The following RBMXL3 variants were observed in gnomAD, a reference collection of about 807,000 sequenced individuals.
The protein encoded by RBMXL3 is RBMX like 3, also known as RNA-binding motif protein, X-linked-like-3.
In RBMXL3, 2 loss-of-function variants were observed where a neutral mutation model predicts 0.8. The observed-to-expected ratio is 2.54, with a 90% CI of 1.04 to 8.00. The LOEUF is 8.00. RBMXL3 is among the 30% of genes most tolerant of loss of function. The pLI is 0.04. For synonymous variants in RBMXL3, 447 were observed against 449.8 expected, an observed-to-expected ratio of 0.99 and a Z score of 0.08; for missense variants, 1,127 against 1,068.0, an observed-to-expected ratio of 1.06 and a Z score of -0.77.
In RBMXL3 at chrX:115,191,077, C is replaced by G; in HGVS notation, c.1636C>G (p.Arg546Gly). 8.6e-7 allele frequency: 1 copy of G among 1,161,968 alleles called. No homozygotes were observed. Among genetic ancestry groups the G allele is most frequent in the Non-Finnish European group, 1.1e-6 (1 of 871,597 alleles). The change falls in exon 1 of 1, where the codon CGC (arginine) becomes GGC (glycine). Residue 546 changes from arginine (R) to glycine (G), a missense_variant. Arg to Gly is a moderately radical substitution (Grantham distance 125). Coordinates refer to ENST00000424776, the MANE Select transcript of RBMXL3 (RefSeq NM_001145346.2). ...CAGCAACAGTTACGGCCAGAGCCACCGCTATGGAGGAGAAGGCCGCTATGA... is the reference window on the plus strand; with the variant it reads ...CAGCAACAGTTACGGCCAGAGCCACGGCTATGGAGGAGAAGGCCGCTATGA... Reference protein sequence around the residue: ...SSSNSYGQSHRYGGEGRYEYR... With the variant: ...SSSNSYGQSHGYGGEGRYEYR...
In RBMXL3 at chrX:115,190,710, TGAG is replaced by T. The variant is rs1556557980; in HGVS notation, c.1273_1275del (p.Glu425del). The T allele has an allele frequency of 9.5e-7, 1 of 1,056,274 alleles. No homozygotes were observed. Among genetic ancestry groups the T allele is most frequent in the Non-Finnish European group, 1.2e-6 (1 of 811,065 alleles). The allele number at this position is 1,056,274 out of a possible 1,213,427, so 87.0% of individuals were successfully genotyped here. On this transcript the variant is annotated inframe_deletion, in exon 1 of 1. Coordinates refer to ENST00000424776, the MANE Select transcript of RBMXL3 (RefSeq NM_001145346.2). ...ACCACTATGGAGGAGAAGGCCGCTA[TGAG>T]GAGTACCGAGGCCGCTCACACGAGG...
Position 115,189,490 on chromosome X carries a change from C to T in RBMXL3, c.49C>T (p.Leu17Phe). Residue 17 changes from leucine to phenylalanine, a missense_variant, in exon 1 of 1, where the codon CTC becomes TTC. Coordinates refer to ENST00000424776, the MANE Select transcript of RBMXL3 (RefSeq NM_001145346.2). ...GAAGCTTTTCATTGGGGGCCTCAACCTCAAAACCGACGAGAAAGCCCTCAA... is the reference window on the plus strand; with the variant it reads ...GAAGCTTTTCATTGGGGGCCTCAACTTCAAAACCGACGAGAAAGCCCTCAA... ...PEKLFIGGLNLKTDEKALKAE... is the reference protein window; with the variant it reads ...PEKLFIGGLNFKTDEKALKAE... The T allele has an allele frequency of 8.5e-7, 1 of 1,181,841 alleles. No homozygotes were observed. Among genetic ancestry groups the T allele is most frequent in the East Asian group, 3.1e-5 (1 of 32,274 alleles).
At position 115,190,963 on chromosome X, in the gene RBMXL3, G is replaced by A; in HGVS notation, c.1522G>A (p.Gly508Ser). ...CTGGAGCGACCGCTACGGAGTAGGA[G>A]GCCACTATGAGGAGAACCGAGGCCA... ...SSWSDRYGVG[G>S]HYEENRGHSL... The change falls in exon 1 of 1, where the codon GGC (glycine) becomes AGC (serine). Residue 508 changes from glycine (G) to serine (S), a missense_variant. Transcript: ENST00000424776. The A allele has an allele frequency of 8.6e-7, 1 of 1,164,328 alleles. No homozygotes were observed. Among genetic ancestry groups the A allele is most frequent in the Non-Finnish European group, 1.1e-6 (1 of 872,112 alleles).
In RBMXL3 at chrX:115,191,762, G is replaced by T; in HGVS notation, c.2321G>T (p.Gly774Val). The T allele has an allele frequency of 8.6e-7, 1 of 1,163,679 alleles. No homozygotes were observed. The highest frequency in any genetic ancestry group is 1.1e-6 in the Non-Finnish European group (1 of 871,837). ...HDSSSRSHRYGGGGRYEEYRG... is the reference protein window; with the variant it reads ...HDSSSRSHRYVGGGRYEEYRG... ...AGTTCCAGCCGGAGCCACCGCTACG[G>T]AGGAGGAGGCCGCTACGAGGAGTAC... is the stretch of plus-strand genomic sequence containing the variant. Residue 774 changes from glycine to valine, a missense_variant, in exon 1 of 1, where the codon GGA (glycine) becomes GTA (valine). Gly to Val is a moderately radical substitution (Grantham distance 109, BLOSUM62 -3). Coordinates refer to ENST00000424776, the MANE Select transcript of RBMXL3 (RefSeq NM_001145346.2).
Position 115,190,961 on chromosome X carries a change from G to A in RBMXL3, c.1520G>A (p.Gly507Glu), listed in dbSNP as rs782111683. ...NSSWSDRYGV[G>E]GHYEENRGHS... is the part of the protein sequence containing the mutation. ...AGCTGGAGCGACCGCTACGGAGTAGGAGGCCACTATGAGGAGAACCGAGGC... is the reference window on the plus strand; with the variant it reads ...AGCTGGAGCGACCGCTACGGAGTAGAAGGCCACTATGAGGAGAACCGAGGC... Residue 507 changes from glycine to glutamate, a missense_variant, in exon 1 of 1, where the codon GGA becomes GAA. Physicochemically the swap from Gly to Glu is moderately conservative, Grantham distance 98 (BLOSUM62 -2). Coordinates refer to ENST00000424776, the MANE Select transcript of RBMXL3 (RefSeq NM_001145346.2). 4 of 1,158,825 alleles carry A rather than the reference G, an allele frequency of 3.5e-6. No homozygotes were observed. Among genetic ancestry groups the A allele is most frequent in the Non-Finnish European group, 4.6e-6 (4 of 870,540 alleles).
Position 115,192,169 on chromosome X carries a change from G to C in RBMXL3, c.2728G>C (p.Gly910Arg), listed in dbSNP as rs1556560899. ...TGGCCGGAGTGACCATTACGGAAGAGGAGGCTGCTACGAGGAATACCAAGG... is the reference window on the plus strand; with the variant it reads ...TGGCCGGAGTGACCATTACGGAAGACGAGGCTGCTACGAGGAATACCAAGG... ...SYGRSDHYGR[G>R]GCYEEYQGRS... Residue 910 changes from glycine (G) to arginine (R), a missense_variant, in exon 1 of 1, where the codon GGA becomes CGA. Gly to Arg is a moderately radical substitution (Grantham distance 125). Transcript: ENST00000424776. 1.7e-6 allele frequency: 2 copies of C among 1,165,380 alleles called. No homozygotes were observed. The highest frequency in any genetic ancestry group is 2.3e-6 in the Non-Finnish European group (2 of 872,562).
Position 115,191,818 on chromosome X carries a change from G to C in RBMXL3, c.2377G>C (p.Gly793Arg), listed in dbSNP as rs947590231. 6.1e-5 allele frequency: 70 copies of C among 1,152,092 alleles called. No individual in the cohort carries two copies. In the Admixed American group the frequency reaches 1.9e-3, roughly 31 times the overall value. The allele number at this position is 1,152,092 out of a possible 1,213,427, so 94.9% of individuals were successfully genotyped here. A position where few individuals can be genotyped will look rare whatever the true frequency, so the allele number is the denominator to read the frequency against. The change falls in exon 1 of 1, where the codon GGC becomes CGC. Residue 793 changes from glycine to arginine, a missense_variant. Coordinates refer to ENST00000424776, the MANE Select transcript of RBMXL3 (RefSeq NM_001145346.2). ...CCGCTCGCTCGATGCCAACAGCGGA[G>C]GCCGCTCACCCAATGCCTACAGCGG... is the stretch of plus-strand genomic sequence containing the variant. ...RGRSLDANSG[G>R]RSPNAYSGGH...
chrX:115,190,645 G>T lies in RBMXL3; in HGVS notation c.1204G>T (p.Gly402Trp). The T allele has an allele frequency of 8.6e-7, 1 of 1,157,079 alleles. No individual in the cohort carries two copies. The highest frequency in any genetic ancestry group is 1.9e-5 in the South Asian group (1 of 52,426). The change falls in exon 1 of 1, where the codon GGG (glycine) becomes TGG (tryptophan). Residue 402 changes from glycine (G) to tryptophan (W), a missense_variant. Gly to Trp is a radical substitution (Grantham distance 184). Coordinates refer to ENST00000424776, the MANE Select transcript of RBMXL3 (RefSeq NM_001145346.2). ...AGGCCGCTCGCCCGACGCCCACAGCGGGGGCCGCAACAGTTCCAGCAACAG... is the reference window on the plus strand; with the variant it reads ...AGGCCGCTCGCCCGACGCCCACAGCTGGGGCCGCAACAGTTCCAGCAACAG... Reference protein sequence around the residue: ...YRGRSPDAHSGGRNSSSNSYG... With the variant: ...YRGRSPDAHSWGRNSSSNSYG...
rs781797965 is a variant in RBMXL3, at chrX:115,192,323, G to A, written c.2882G>A (p.Ser961Asn). ...EYRGPSPDAHSGGRDSSIKSY... is the reference protein window; with the variant it reads ...EYRGPSPDAHNGGRDSSIKSY... ...CGAGGCCCCTCGCCTGACGCCCACAGTGGGGGCCGCGACAGTTCCATCAAG... is the reference window on the plus strand; with the variant it reads ...CGAGGCCCCTCGCCTGACGCCCACAATGGGGGCCGCGACAGTTCCATCAAG... Residue 961 changes from serine (S) to asparagine (N), a missense_variant, in exon 1 of 1, where the codon AGT (serine) becomes AAT (asparagine). Transcript: ENST00000424776. The A allele has an allele frequency of 5.1e-4, 547 of 1,080,307 alleles. No individual in the cohort carries two copies. The African/African-American group carries it at 8.8e-3, about 17-fold the overall frequency. The allele number at this position is 1,080,307 out of a possible 1,213,427, so 89.0% of individuals were successfully genotyped here.
Position 115,190,126 on chromosome X carries a change from T to C in RBMXL3, c.685T>C (p.Trp229Arg), listed in dbSNP as rs1278617748. 6.9e-6 allele frequency: 8 copies of C among 1,158,377 alleles called. No individual in the cohort carries two copies. Among genetic ancestry groups the C allele is most frequent in the African/African-American group, 1.8e-5 (1 of 55,933 alleles). Residue 229 changes from tryptophan to arginine, a missense_variant, in exon 1 of 1, where the codon TGG becomes CGG. By Grantham distance (101) the Trp-to-Arg change is moderately radical. Transcript: ENST00000424776. ...SGMPGKAPAV[W>R]GQDGYSGPRV... The stretch of plus-strand genomic sequence containing the variant: ...AATGCCTGGGAAGGCCCCGGCCGTG[T>C]GGGGGCAAGATGGCTACTCAGGCCC...
chrX:115,190,858 G>A lies in RBMXL3; in HGVS notation c.1417G>A (p.Glu473Lys), dbSNP rs1410376090. The A allele has an allele frequency of 5.4e-5, 62 of 1,154,126 alleles. No homozygotes were observed. Among genetic ancestry groups the A allele is most frequent in the Middle Eastern group, 2.3e-4 (1 of 4,263 alleles). Residue 473 changes from glutamate (E) to lysine (K), a missense_variant, in exon 1 of 1, where the codon GAG (glutamate) becomes AAG (lysine). By Grantham distance (56) the Glu-to-Lys change is moderately conservative. Transcript: ENST00000424776. The part of the protein sequence containing the change: ...DCCGGGGRYE[E>K]YQGRSLDANS... ...CTGCGGAGGAGGAGGCCGTTATGAG[G>A]AGTACCAAGGCCGCTCGCTGGATGC...
rs1556561311 is a variant in RBMXL3, at chrX:115,192,433, C to T, written c.2992C>T (p.His998Tyr). Residue 998 changes from histidine (H) to tyrosine (Y), a missense_variant, in exon 1 of 1, where the codon CAC becomes TAC. Coordinates refer to ENST00000424776, the MANE Select transcript of RBMXL3 (RefSeq NM_001145346.2). ...GSLPDAYSGD[H>Y]DRSSNSYGRS... ...CTTGCCTGACGCCTACAGCGGCGAC[C>T]ACGACAGATCCAGCAACAGTTACGG... 6.0e-6 allele frequency: 7 copies of T among 1,167,295 alleles called. No homozygotes were observed. The highest frequency in any genetic ancestry group is 8.0e-6 in the Non-Finnish European group (7 of 872,178).
rs1156341761 is a variant in RBMXL3 at position 115,191,464 on chromosome X, C to T, written c.2023C>T (p.Arg675Cys). 43 of 1,142,888 alleles carry T rather than the reference C, an allele frequency of 3.8e-5. No homozygotes were observed. The highest frequency in any genetic ancestry group is 2.9e-4 in the South Asian group (15 of 51,071). 94.2% of individuals were successfully genotyped at this position (1,142,888 alleles called of 1,213,427 possible). ...GGGRYEEYRG[R>C]LLDANSGGRS... ...AGGCCGCTACGAGGAGTACCGAGGC[C>T]GCTTGCTCGATGCCAACAGTGGAGG... Residue 675 changes from arginine to cysteine, a missense_variant, in exon 1 of 1, where the codon CGC (arginine) becomes TGC (cysteine). Coordinates refer to ENST00000424776, the MANE Select transcript of RBMXL3 (RefSeq NM_001145346.2).
chrX:115,192,443 C>T lies in RBMXL3; in HGVS notation c.3002C>T (p.Ser1001Phe). 1 of 1,168,198 alleles carries T rather than the reference C, an allele frequency of 8.6e-7. No homozygotes were observed. Among genetic ancestry groups the T allele is most frequent in the Non-Finnish European group, 1.1e-6 (1 of 872,707 alleles). Reference protein sequence around the residue: ...PDAYSGDHDRSSNSYGRSDRY... With the variant: ...PDAYSGDHDRFSNSYGRSDRY... ...GCCTACAGCGGCGACCACGACAGAT[C>T]CAGCAACAGTTACGGCCGGAGCGAC... The change falls in exon 1 of 1, where the codon TCC becomes TTC. Residue 1001 changes from serine (S) to phenylalanine (F), a missense_variant. Transcript: ENST00000424776.
In RBMXL3 at chrX:115,192,636, C is replaced by G. The variant is rs1395677236; in HGVS notation, c.3195C>G (p.Ser1065Arg). Residue 1065 changes from serine to arginine, a missense_variant, in exon 1 of 1, where the codon AGC (serine) becomes AGG (arginine). Ser to Arg is a moderately radical substitution (Grantham distance 110, BLOSUM62 -1). Coordinates refer to ENST00000424776, the MANE Select transcript of RBMXL3 (RefSeq NM_001145346.2). ...GGRFERGEGR[S>R]RY ...GCTTCGAGAGGGGGGAAGGCCGGAG[C>G]AGATACTAAGCAGGAACAGACTTGG... 101 of 1,167,715 alleles carry G rather than the reference C, an allele frequency of 8.6e-5. No individual in the cohort carries two copies. The highest frequency in any genetic ancestry group is 1.1e-4 in the Non-Finnish European group (100 of 873,433).
rs782615702 is a variant in RBMXL3 at position 115,189,990 on chromosome X, G to A, written c.549G>A (p.Pro183=). 9.4e-5 allele frequency: 109 copies of A among 1,162,527 alleles called. No individual in the cohort carries two copies. Among genetic ancestry groups the A allele is most frequent in the Admixed American group, 4.1e-4 (16 of 38,693 alleles). ...SVGCGMRGKA[P]TVSGQDGYSG... The stretch of plus-strand genomic sequence containing the variant: ...GCTGTGGAATGCGCGGGAAGGCACC[G>A]ACTGTGTCGGGGCAAGATGGCTACT... Residue 183 remains proline (P), a synonymous_variant, in exon 1 of 1, where the codon CCG becomes CCA. Coordinates refer to ENST00000424776, the MANE Select transcript of RBMXL3 (RefSeq NM_001145346.2).
rs1005719965 is a variant in RBMXL3, at chrX:115,192,689, A to G, written c.*44A>G. On this transcript the variant is annotated 3_prime_UTR_variant, in exon 1 of 1. Transcript: ENST00000424776. Reference sequence around the variant, plus strand: ...CCAAAAATTCCTTTTCAAAGAAACAAAAAGAAGAACCTGTTCTATGTTAAC... The same window carrying G: ...CCAAAAATTCCTTTTCAAAGAAACAGAAAGAAGAACCTGTTCTATGTTAAC... 5 of 1,126,664 alleles carry G rather than the reference A, an allele frequency of 4.4e-6. No homozygotes were observed. Among genetic ancestry groups the G allele is most frequent in the African/African-American group, 1.8e-5 (1 of 55,243 alleles). 92.8% of individuals were successfully genotyped at this position (1,126,664 alleles called of 1,213,427 possible).
At position 115,190,453 on chromosome X, in the gene RBMXL3, G is replaced by A. The variant is rs370216499; in HGVS notation, c.1012G>A (p.Asp338Asn). The change falls in exon 1 of 1, where the codon GAT becomes AAT. Residue 338 changes from aspartate (D) to asparagine (N), a missense_variant. By Grantham distance (23) the Asp-to-Asn change is conservative. Transcript: ENST00000424776. Reference sequence around the variant, plus strand: ...CGAGGAGTACCAGGGCAACTCGCCCGATGCCTGCAGTGAAGGCCGCTCGTC... The same window carrying A: ...CGAGGAGTACCAGGGCAACTCGCCCAATGCCTGCAGTGAAGGCCGCTCGTC... ...RYEEYQGNSP[D>N]ACSEGRSSEA... 2.0e-5 allele frequency: 23 copies of A among 1,165,797 alleles called. No individual in the cohort carries two copies. Among genetic ancestry groups the A allele is most frequent in the Admixed American group, 5.2e-5 (2 of 38,588 alleles).
rs1556556898 is a variant in RBMXL3, at chrX:115,190,183, G to A, written c.742G>A (p.Asp248Asn). Residue 248 changes from aspartate to asparagine, a missense_variant, in exon 1 of 1, where the codon GAC becomes AAC. Coordinates refer to ENST00000424776, the MANE Select transcript of RBMXL3 (RefSeq NM_001145346.2). ...CCGGGAGCCACTGCCCCCGTGCCGC[G>A]ACCCTGGGGATTTTGTCCCTGCGCT... ...RVREPLPPCRDPGDFVPALRD... is the reference protein window; with the variant it reads ...RVREPLPPCRNPGDFVPALRD... 4.3e-6 allele frequency: 5 copies of A among 1,165,117 alleles called. No homozygotes were observed. Among genetic ancestry groups the A allele is most frequent in the Admixed American group, 2.6e-5 (1 of 38,736 alleles).
Sources: gnomAD v4.1 joint callset for allele counts on GRCh38, gnomAD v4.1.1 for gene constraint, MANE v1.5 for transcripts, NCBI Gene and HGNC (gene_info 2026-07-23, HGNC 2026-07-21) for gene names.